Variants in KISS1 observed in about 807,000 individuals in gnomAD.
The protein encoded by KISS1 is KiSS-1 metastasis suppressor.
For missense variants in KISS1, 182 were observed against 182.7 expected (o/e 1.00, Z 0.02); for synonymous variants, 97 against 88.7 (o/e 1.09, Z -0.52).
intron 1 of KISS1, among the ~76,000 whole-genome samples, chr1:204,193,236 G>A (rs561721916): frequency 2.9e-4 from 44 of 152,326 alleles, no homozygotes; most frequent in Admixed American, 5.9e-4. Flanking sequence ...GTCAGAGAAT[G>A]GCCAGGATTC....
rs1283909801 is a variant in KISS1, at chr1:204,190,676, G to C, written c.225C>G (p.Pro75=). The change falls in exon 3 of 3, where the codon CCC becomes CCG. Residue 75 remains proline (P), a synonymous_variant. Transcript: ENST00000367194. ...SRRGTSLSPP[P]ESSGSPQQPG... is the part of the protein sequence containing the mutation. The stretch of plus-strand genomic sequence containing the variant: ...GCTGCTGGGGGCTCCCGGAGCTCTC[G>C]GGGGGCGGGGACAGCGAGGTCCCCC... 1 of 1,590,502 alleles carries C rather than the reference G, an allele frequency of 6.3e-7. No homozygotes were observed. The highest frequency in any genetic ancestry group is 1.1e-5 in the South Asian group (1 of 88,046).
chr1:204,194,165 G>A (rs1209867680), intron 1 of KISS1, among the ~76,000 whole-genome samples: 3 of 152,164 alleles, frequency 2.0e-5, no homozygotes, highest in Non-Finnish European at 2.9e-5. Flanking sequence ...GGAATGAGGA[G>A]TACTTGAATC....
chr1:204,194,447 G>A (rs1055069477), intron 1 of KISS1, among the ~76,000 whole-genome samples: 2 of 152,194 alleles, frequency 1.3e-5, no homozygotes, highest in South Asian at 4.1e-4. Context: ...ATTTCAGACC[G>A]TGGATGCACA....
chr1:204,193,161 G>A (rs1658775893), intron 1 of KISS1, among the ~76,000 whole-genome samples: 1 of 152,212 alleles, frequency 6.6e-6, no homozygotes, highest in Non-Finnish European at 1.5e-5. Context: ...CCTGGAGGAG[G>A]TGAGGACAGT....
chr1:204,195,375 A>G (rs1381593657), intron 1 of KISS1, among the ~76,000 whole-genome samples: 4 of 143,096 alleles, frequency 2.8e-5, no homozygotes, highest in African/African-American at 5.3e-5. Flanking sequence ...ACATACACCT[A>G]TACACACACA....
chr1:204,196,054 T>A (rs1032694364), intron 1 of KISS1, among the ~76,000 whole-genome samples: 4 of 152,222 alleles, frequency 2.6e-5, no homozygotes, highest in African/African-American at 9.6e-5. Context: ...AGCGGTTCCC[T>A]AGGTCCATCC....
chr1:204,193,596 C>T (rs899610739), intron 1 of KISS1, among the ~76,000 whole-genome samples: 4 of 152,258 alleles, frequency 2.6e-5, no homozygotes, highest in South Asian at 2.1e-4. Flanking sequence ...GCCTTGAAGA[C>T]GGTCATTAAA....
rs774329614 is a variant in KISS1 at position 204,190,745 on chromosome 1, C to T, written c.156G>A (p.Pro52=). ...GLLAPGEQSL[P]CTERKPAATA... is the part of the protein sequence containing the mutation. Reference sequence around the variant, plus strand: ...TAGCAGCTGGCTTCCTCTCGGTGCACGGCAGGCTCTGCTCCCCGGGGGCCA... The same window carrying T: ...TAGCAGCTGGCTTCCTCTCGGTGCATGGCAGGCTCTGCTCCCCGGGGGCCA... The change falls in exon 3 of 3, where the codon CCG becomes CCA. Residue 52 remains proline (P), a synonymous_variant. Transcript: ENST00000367194. 1 of 1,610,920 alleles carries T rather than the reference C, an allele frequency of 6.2e-7. No homozygotes were observed. The highest frequency in any genetic ancestry group is 1.3e-5 in the African/African-American group (1 of 74,980).
rs765121246 is a variant in KISS1, at chr1:204,190,563, T to C, written c.338A>G (p.Asn113Ser). The stretch of plus-strand genomic sequence containing the variant: ...GAAGCGCAGGCCGAAGGAGTTCCAG[T>C]TGTAGTTCGGCAGGTCCTTCTCCCG... ...VQREKDLPNY[N>S]WNSFGLRFGK... Residue 113 changes from asparagine (N) to serine (S), a missense_variant, in exon 3 of 3, where the codon AAC becomes AGC. Transcript: ENST00000367194. The C allele has an allele frequency of 6.8e-6, 11 of 1,607,666 alleles. No individual in the cohort carries two copies. In the African/African-American group the frequency reaches 9.4e-5, roughly 14 times the overall value.
rs1229419106 is a variant in KISS1 at position 204,192,230 on chromosome 1, T to A, written c.103+544A>T. Among the ~76,000 whole-genome samples, 6 of 152,082 alleles carry A rather than the reference T, an allele frequency of 3.9e-5. No individual in the cohort carries two copies. The highest frequency in any genetic ancestry group is 8.8e-5 in the Non-Finnish European group (6 of 68,000). On this transcript the variant is annotated intron_variant, in intron 2 of 2. Coordinates refer to ENST00000367194, the MANE Select transcript of KISS1 (RefSeq NM_002256.4). This position sits in a 1 kb window ranked among gnomAD's most constrained non-coding sequence, Gnocchi z 4.2. ...CTCACCAGACACACTCCTGGGGAGC[T>A]CTGACACCTGCTGGGTTTCCACAGT...
chr1:204,195,299 CCCAT>C, intron 1 of KISS1, among the ~76,000 whole-genome samples: 7 of 27,224 alleles, frequency 2.6e-4, no homozygotes, highest in South Asian at 1.2e-3. Context: ...CACACATACA[CCCAT>C]ACACACACAT....
rs1416813019 is a variant in KISS1 at position 204,190,404 on chromosome 1, C to G, written c.*80G>C. 2.3e-6 allele frequency: 2 copies of G among 871,512 alleles called. No individual in the cohort carries two copies. The highest frequency in any genetic ancestry group is 1.4e-5 in the South Asian group (1 of 70,282). 54.0% of individuals were successfully genotyped at this position (871,512 alleles called of 1,614,324 possible). Reference sequence around the variant, plus strand: ...AGCTCCAGCGCCCCCTCCCTTAGCCCTACGTCCCCGCCCCCCGCCCCCGCC... The same window carrying G: ...AGCTCCAGCGCCCCCTCCCTTAGCCGTACGTCCCCGCCCCCCGCCCCCGCC... On this transcript the variant is annotated 3_prime_UTR_variant, in exon 3 of 3. Coordinates refer to ENST00000367194, the MANE Select transcript of KISS1 (RefSeq NM_002256.4).
intron 2 of KISS1, 94 bp from the exon 3 acceptor site, chr1:204,190,891 C>T: frequency 2.6e-6 from 3 of 1,152,600 alleles, no homozygotes; most frequent in East Asian, 5.1e-5. Flanking sequence ...CTTTTCCTTC[C>T]TTGACCTTTT....
At chr1:204,190,889 TC>T in intron 2 of KISS1, 92 bp from the exon 3 acceptor site, 1 of 1,153,726 alleles carries the variant, frequency 8.7e-7, no homozygotes, top group Admixed American at 2.3e-5. Flanking sequence ...TTCTTTTCCT[TC>T]CTTGACCTTT....
chr1:204,195,383 ACAT>A (rs1223513183), intron 1 of KISS1, among the ~76,000 whole-genome samples: 74 of 149,472 alleles, frequency 5.0e-4, no homozygotes, highest in Non-Finnish European at 9.5e-4. Flanking sequence ...CTATACACAC[ACAT>A]CATGCACACA....
intron 2 of KISS1, among the ~76,000 whole-genome samples, chr1:204,191,155 G>A (rs931157256): frequency 3.3e-5 from 5 of 152,218 alleles, no homozygotes; most frequent in South Asian, 2.1e-4. Context: ...GGGCAGTGGG[G>A]CCATGTTAAT....
At position 204,190,660 on chromosome 1, in the gene KISS1, G is replaced by C. The variant is rs901654968; in HGVS notation, c.241C>G (p.Pro81Ala). Reference sequence around the variant, plus strand: ...GGGGCGGACAGGCCCGGCTGCTGGGGGCTCCCGGAGCTCTCGGGGGGCGGG... The same window carrying C: ...GGGGCGGACAGGCCCGGCTGCTGGGCGCTCCCGGAGCTCTCGGGGGGCGGG... ...LSPPPESSGS[P>A]QQPGLSAPHS... is the part of the protein sequence containing the mutation. Residue 81 changes from proline (P) to alanine (A), a missense_variant, in exon 3 of 3, where the codon CCC (proline) becomes GCC (alanine). Coordinates refer to ENST00000367194, the MANE Select transcript of KISS1 (RefSeq NM_002256.4). 6.3e-7 allele frequency: 1 copy of C among 1,585,832 alleles called. No individual in the cohort carries two copies. Among genetic ancestry groups the C allele is most frequent in the Admixed American group, 1.8e-5 (1 of 55,616 alleles).
chr1:204,195,715 T>A (rs988911885), intron 1 of KISS1, among the ~76,000 whole-genome samples: 2 of 144,824 alleles, frequency 1.4e-5, no homozygotes, highest in African/African-American at 5.1e-5. Context: ...TACACACATA[T>A]CACACACACA....
Position 204,192,740 on chromosome 1 carries a change from C to T in KISS1, c.103+34G>A. 5 of 1,353,506 alleles carry T rather than the reference C, an allele frequency of 3.7e-6. No homozygotes were observed. The highest frequency in any genetic ancestry group is 5.2e-6 in the Non-Finnish European group (5 of 958,370). The allele number at this position is 1,353,506 out of a possible 1,614,324, so 83.8% of individuals were successfully genotyped here. A position where few individuals can be genotyped will look rare whatever the true frequency, so the allele number is the denominator to read the frequency against. ...AGCTCATTTTGCAACAACCCACTTG[C>T]TCCCTCCCACTCCTTTCCCCAGAGG... On this transcript the variant is annotated intron_variant, in intron 2 of 2. Transcript: ENST00000367194. The surrounding 1 kb of genome is among the most constrained non-coding windows in gnomAD (Gnocchi z 4.2).
Sources: gnomAD v4.1 joint callset for allele counts (sites outside exome capture counted in the v4.1 genomes callset) on GRCh38, gnomAD v4.1.1 for gene constraint, Gnocchi (gnomAD v3.1) non-coding constraint, MANE v1.5 for transcripts, NCBI Gene and HGNC (gene_info 2026-07-23, HGNC 2026-07-21) for gene names.